ST18: variants seen among roughly 807,000 people sequenced by gnomAD.
The protein encoded by ST18 is suppression of tumorigenicity 18 protein.
ST18 carries 50 observed loss-of-function variants against 110.0 expected under a neutral mutation model. That is an observed-to-expected ratio of 0.45 (90% confidence interval 0.36 to 0.58). The LOEUF is 0.58. ST18 is among the 20% of genes least tolerant of loss of function. The probability of loss-of-function intolerance (pLI) is 0.00; values close to 1 mark genes in which losing one functional copy is unlikely to be tolerated. For missense variants in ST18, 1,306 were observed against 1,280.1 expected, an observed-to-expected ratio of 1.02 and a Z score of -0.31; for synonymous variants, 461 against 452.4, an observed-to-expected ratio of 1.02 and a Z score of -0.24.
chr8:52,216,151 A>T (rs905777313), intron 6 of ST18, among the ~76,000 whole-genome samples: 1 of 152,248 alleles, frequency 6.6e-6, no homozygotes, highest in Non-Finnish European at 1.5e-5. Flanking sequence ...CAGTGGACAC[A>T]AATCAAAATT....
chr8:52,210,813 C>A lies in ST18; in HGVS notation c.86+1266G>T, dbSNP rs6994309. On this transcript the variant is annotated intron_variant, in intron 8 of 25. Transcript: ENST00000689386. ...CATGAATTCTAACAGATAAGTGTTT[C>A]GCTACATAAATGAACCAAGGCTATG... 2.6e-4 allele frequency among the ~76,000 whole-genome samples: 39 copies of A among 152,080 alleles called. 2 individuals are homozygous for A. The highest frequency in any genetic ancestry group is 2.6e-3 in the Admixed American group (39 of 15,278).
intron 23 of ST18, among the ~76,000 whole-genome samples, chr8:52,119,949 T>C (rs1006051005): frequency 6.6e-6 from 1 of 152,150 alleles, no homozygotes; most frequent in Non-Finnish European, 1.5e-5. Context: ...CATATAAGAC[T>C]TAGGTACCTT....
At chr8:52,377,634 C>A (rs1020430088) in intron 2 of ST18, among the ~76,000 whole-genome samples, 4 of 152,144 alleles carry the variant, frequency 2.6e-5, no homozygotes, top group Non-Finnish European at 4.4e-5. Flanking sequence ...GAAAGGAGAA[C>A]CCTTATACAC....
intron 19 of ST18, among the ~76,000 whole-genome samples, chr8:52,134,177 C>A (rs1209021422): frequency 1.3e-5 from 2 of 152,186 alleles, no homozygotes; most frequent in Admixed American, 1.3e-4. Flanking sequence ...CAATAATTTG[C>A]ACCTGGTCTG....
At chr8:52,169,202 T>A (rs990069240) in intron 10 of ST18, among the ~76,000 whole-genome samples, 5 of 152,284 alleles carry the variant, frequency 3.3e-5, no homozygotes, top group Admixed American at 3.3e-4. Context: ...CCTGTTTGCA[T>A]GATAAGAAGC....
chr8:52,386,695 T>C (rs1381613959), intron 2 of ST18, among the ~76,000 whole-genome samples: 2 of 152,202 alleles, frequency 1.3e-5, no homozygotes, highest in Non-Finnish European at 2.9e-5. Context: ...GAGTTCTCCT[T>C]ATAAGCCTGC....
chr8:52,358,785 A>G (rs1251050551), intron 2 of ST18, among the ~76,000 whole-genome samples: 1 of 152,006 alleles, frequency 6.6e-6, no homozygotes, highest in Non-Finnish European at 1.5e-5. Context: ...CCAAACATTT[A>G]AAGAAGAATT....
intron 2 of ST18, among the ~76,000 whole-genome samples, chr8:52,379,809 T>G (rs1361175845): frequency 6.6e-6 from 1 of 152,156 alleles, no homozygotes; most frequent in Admixed American, 6.5e-5. Context: ...AAAAATGAAG[T>G]ATTAAAATCA....
chr8:52,293,360 G>T (rs2095584626), intron 2 of ST18, among the ~76,000 whole-genome samples: 1 of 152,226 alleles, frequency 6.6e-6, no homozygotes, highest in South Asian at 2.1e-4. Context: ...AGAGGGAAAG[G>T]CTGGGCGACT....
intron 6 of ST18, among the ~76,000 whole-genome samples, chr8:52,217,187 T>A (rs1200985667): frequency 6.6e-6 from 1 of 152,190 alleles, no homozygotes; most frequent in Non-Finnish European, 1.5e-5. Context: ...TAAAAAGCTG[T>A]TCCTTTCCAG....
At chr8:52,211,497 C>G (rs573361879) in intron 8 of ST18, among the ~76,000 whole-genome samples, 1 of 151,724 alleles carries the variant, frequency 6.6e-6, no homozygotes, top group Admixed American at 6.6e-5. Flanking sequence ...ACCTCCGCTT[C>G]CCGGGTTCAA....
intron 2 of ST18, among the ~76,000 whole-genome samples, chr8:52,285,419 A>C (rs1365328063): frequency 6.6e-6 from 1 of 152,206 alleles, no homozygotes; most frequent in Admixed American, 6.5e-5. Flanking sequence ...TCTATACCTC[A>C]ACAACAGAAT....
At chr8:52,256,939 C>T (rs984400361) in intron 2 of ST18, among the ~76,000 whole-genome samples, 5 of 152,058 alleles carry the variant, frequency 3.3e-5, no homozygotes, top group Admixed American at 6.6e-5. Context: ...GCAGTCATTC[C>T]CCATTCACCA....
intron 2 of ST18, among the ~76,000 whole-genome samples, chr8:52,276,262 C>A (rs2139040220): frequency 2.8e-5 from 1 of 35,516 alleles, no homozygotes; most frequent in East Asian, 9.1e-4. Context: ...ACACATACCA[C>A]ACACCACGTA....
At chr8:52,409,789 GCT>G (rs2141213236), upstream of ST18, 1 of 152,374 alleles carries the variant, frequency 6.6e-6, no homozygotes, top group South Asian at 2.1e-4. Context: ...TGCTAACTTT[GCT>G]CTGTGTTATT....
At chr8:52,200,208 A>G (rs2135433189) in intron 8 of ST18, among the ~76,000 whole-genome samples, 1 of 152,360 alleles carries the variant, frequency 6.6e-6, no homozygotes, top group East Asian at 1.9e-4. Flanking sequence ...GATTAGGAAC[A>G]AAGTAAATAA....
chr8:52,258,932 G>A (rs2094601680), intron 2 of ST18, among the ~76,000 whole-genome samples: 1 of 152,126 alleles, frequency 6.6e-6, no homozygotes, highest in Non-Finnish European at 1.5e-5. Flanking sequence ...GCCCTACATT[G>A]GTGTAACCCC....
intron 18 of ST18, among the ~76,000 whole-genome samples, chr8:52,136,933 C>A (rs1563617109): frequency 6.6e-6 from 1 of 152,162 alleles, no homozygotes; most frequent in African/African-American, 2.4e-5. Flanking sequence ...CAATGATCAC[C>A]CACACACAGA....
chr8:52,174,743 A>T (rs1465577703), intron 9 of ST18, among the ~76,000 whole-genome samples: 1 of 152,214 alleles, frequency 6.6e-6, no homozygotes, highest in East Asian at 1.9e-4. Flanking sequence ...ATTCCTCAGA[A>T]AAAGAGGAGC....
Sources: allele counts gnomAD v4.1 joint callset (sites outside exome capture counted in the v4.1 genomes callset), GRCh38; gene constraint gnomAD v4.1.1; transcripts MANE v1.5; gene names NCBI Gene and HGNC (gene_info 2026-07-23, HGNC 2026-07-21).